Variants in IL31RA observed in about 807,000 individuals in gnomAD.
IL31RA encodes the protein interleukin-31 receptor subunit alpha.
Under a neutral mutation model 83.7 loss-of-function variants are expected in IL31RA, and 66 were observed. The ratio of observed to expected loss-of-function variants is 0.79; its 90% CI spans 0.65 to 0.97. The LOEUF is 0.97. Among genes scored for constraint, IL31RA ranks in the 50% least tolerant of loss-of-function variants. IL31RA has a pLI of 0.00. For synonymous variants in IL31RA, 325 were observed against 329.0 expected (o/e 0.99, Z 0.13); for missense variants, 798 against 919.4 (o/e 0.87, Z 1.71).
chr5:55,871,697 C>T (rs1286907847), intron 3 of IL31RA, among the ~76,000 whole-genome samples: 1 of 152,040 alleles, frequency 6.6e-6, no homozygotes, highest in Admixed American at 6.6e-5. Flanking sequence ...TAGATATCTC[C>T]ACAAAGTTAT....
intron 2 of IL31RA, among the ~76,000 whole-genome samples, chr5:55,865,482 C>T (rs932311444): frequency 2.6e-5 from 4 of 152,102 alleles, no homozygotes; most frequent in Non-Finnish European, 5.9e-5. Flanking sequence ...AGTTCATAGA[C>T]CAAATACATG....
chr5:55,870,907 G>C lies in IL31RA; in HGVS notation c.273-1363G>C, dbSNP rs555474490. 6.2e-4 allele frequency among the ~76,000 whole-genome samples: 95 copies of C among 152,288 alleles called. 1 individual carries two copies. Among genetic ancestry groups the C allele is most frequent in the Admixed American group, 2.8e-3 (43 of 15,298 alleles). ...GATTTTTGAACTGAGGCTGAAAGGA[G>C]GTCTAGAGGTGTGGAAAAGGAGAGA... is the stretch of plus-strand genomic sequence containing the variant. On this transcript the variant is annotated intron_variant, in intron 3 of 14. Coordinates refer to ENST00000652347, the MANE Select transcript of IL31RA (RefSeq NM_139017.7).
At chr5:55,908,208 G>C in intron 10 of IL31RA, 57 bp from the exon 11 acceptor site, 1 of 1,610,148 alleles carries the variant, frequency 6.2e-7, no homozygotes, top group South Asian at 1.1e-5. Flanking sequence ...CTTTGTGGGG[G>C]AACGATCTCC....
intron 5 of IL31RA, among the ~76,000 whole-genome samples, chr5:55,887,682 C>T (rs1402608515): frequency 5.3e-5 from 8 of 151,916 alleles, no homozygotes; most frequent in South Asian, 2.1e-4. Flanking sequence ...GTTAGGAGAT[C>T]GAGACCATCC....
chr5:55,901,388 T>G (rs1013157022), intron 8 of IL31RA, among the ~76,000 whole-genome samples: 2 of 151,750 alleles, frequency 1.3e-5, no homozygotes, highest in African/African-American at 4.8e-5. Flanking sequence ...GGCTTTGGAG[T>G]CCAGCAGCCC....
intron 4 of IL31RA, among the ~76,000 whole-genome samples, chr5:55,881,750 CAG>C (rs1343455500): frequency 1.2e-5 from 1 of 83,040 alleles, no homozygotes; most frequent in South Asian, 4.3e-4. Flanking sequence ...TTTTTTGAGA[CAG>C]AGTCTCACTG....
intron 6 of IL31RA, among the ~76,000 whole-genome samples, chr5:55,892,987 G>C (rs117243720): frequency 3.3e-5 from 5 of 152,136 alleles, no homozygotes; most frequent in Non-Finnish European, 7.3e-5. Flanking sequence ...TTTATAAAGC[G>C]TGTGTTTTCC....
intron 6 of IL31RA, among the ~76,000 whole-genome samples, chr5:55,893,499 A>G (rs1201576383): frequency 6.6e-6 from 1 of 152,246 alleles, no homozygotes; most frequent in African/African-American, 2.4e-5. Flanking sequence ...GAATATGTAG[A>G]CATTTTGGTT....
At chr5:55,877,784 T>C (rs1192688125) in intron 4 of IL31RA, among the ~76,000 whole-genome samples, 1 of 152,200 alleles carries the variant, frequency 6.6e-6, no homozygotes, top group Non-Finnish European at 1.5e-5. Flanking sequence ...TGGGGTTTGG[T>C]TGTAATGTGT....
intron 3 of IL31RA, among the ~76,000 whole-genome samples, chr5:55,870,215 A>G (rs1040571513): frequency 6.6e-6 from 1 of 152,222 alleles, no homozygotes; most frequent in Non-Finnish European, 1.5e-5. Context: ...TTATCCATGG[A>G]CACTGAAATG....
chr5:55,888,223 G>A (rs1212444543), intron 5 of IL31RA, among the ~76,000 whole-genome samples: 8 of 152,208 alleles, frequency 5.3e-5, no homozygotes, highest in Admixed American at 5.2e-4. Context: ...TGCCTGTGCA[G>A]AGTTGGGGAA....
chr5:55,853,661 C>A, intron 1 of IL31RA: 3 of 1,277,680 alleles, frequency 2.3e-6, no homozygotes, highest in South Asian at 1.4e-5. Flanking sequence ...AATTATGGGT[C>A]AGACCCACCA....
chr5:55,917,434 A>C lies in IL31RA; in HGVS notation c.*314A>C. 1.2e-6 allele frequency: 1 copy of C among 816,584 alleles called. No individual in the cohort carries two copies. Among genetic ancestry groups the C allele is most frequent in the Non-Finnish European group, 1.7e-6 (1 of 605,652 alleles). The allele number at this position is 816,584 out of a possible 1,614,324, so 50.6% of individuals were successfully genotyped here. On this transcript the variant is annotated 3_prime_UTR_variant, in exon 15 of 15. Transcript: ENST00000652347. ...AGGGCCCAGGTTCTGAGCCCAAAGGACCCCCAGGGTGGACATATCTGGCCT... is the reference window on the plus strand; with the variant it reads ...AGGGCCCAGGTTCTGAGCCCAAAGGCCCCCCAGGGTGGACATATCTGGCCT...
intron 4 of IL31RA, among the ~76,000 whole-genome samples, chr5:55,872,796 G>T (rs1013099354): frequency 2.7e-5 from 4 of 150,090 alleles, no homozygotes; most frequent in African/African-American, 9.8e-5. Flanking sequence ...GCTCATAAAC[G>T]AAAAGAGCAT....
intron 13 of IL31RA, among the ~76,000 whole-genome samples, chr5:55,914,172 T>C (rs962899665): frequency 2.6e-5 from 4 of 152,244 alleles, no homozygotes; most frequent in Non-Finnish European, 4.4e-5. Flanking sequence ...CTGGTTGAGC[T>C]GTCTCTCCAA....
chr5:55,841,818 G>C, the IL31RA span, among the ~76,000 whole-genome samples: 6 of 151,878 alleles, frequency 4.0e-5, no homozygotes, highest in Non-Finnish European at 5.9e-5. Flanking sequence ...CCACAAACTT[G>C]GTGGCTAAAA....
intron 2 of IL31RA, among the ~76,000 whole-genome samples, chr5:55,867,299 G>T (rs796924822): frequency 4.4e-5 from 4 of 89,992 alleles, no homozygotes; most frequent in Non-Finnish European, 6.3e-5. Context: ...GCATGTGTGT[G>T]TGTGCGTGTG....
chr5:55,880,921 G>A (rs1250536625), intron 4 of IL31RA, among the ~76,000 whole-genome samples: 1 of 152,188 alleles, frequency 6.6e-6, no homozygotes, highest in Non-Finnish European at 1.5e-5. Flanking sequence ...CTCAGTTCTT[G>A]CCTCCTCGGA....
At position 55,920,370 on chromosome 5, in the gene IL31RA, G is replaced by A. The variant is rs955321150; in HGVS notation, c.*3250G>A. 7.2e-5 allele frequency among the ~76,000 whole-genome samples: 11 copies of A among 152,238 alleles called. No homozygotes were observed. The highest frequency in any genetic ancestry group is 1.5e-4 in the Non-Finnish European group (10 of 68,034). The stretch of plus-strand genomic sequence containing the variant: ...GGCCCACGGGCCAAATCCAGGCCCT[G>A]TTTTTGTAGGTTCATGAACTAAAAG... On this transcript the variant is annotated 3_prime_UTR_variant, in exon 15 of 15. Transcript: ENST00000652347.
Sources: gnomAD v4.1 joint callset for allele counts (sites outside exome capture counted in the v4.1 genomes callset) on GRCh38, gnomAD v4.1.1 for gene constraint, MANE v1.5 for transcripts, NCBI Gene and HGNC (gene_info 2026-07-23, HGNC 2026-07-21) for gene names.